Variants in ROBO2 observed in about 807,000 individuals in gnomAD.
ROBO2 encodes roundabout guidance receptor 2, also known as roundabout homolog 2.
ROBO2 carries 53 observed loss-of-function variants against 160.8 expected under a neutral mutation model. The observed-to-expected ratio is 0.33, with a 90% CI of 0.26 to 0.41. ROBO2 has a LOEUF of 0.41. Among genes scored for constraint, ROBO2 ranks in the 10% least tolerant of loss-of-function variants. The pLI is 1.00. For missense variants in ROBO2, 1,577 were observed against 1,722.4 expected, an observed-to-expected ratio of 0.92 and a Z score of 1.49; for synonymous variants, 664 against 611.7, an observed-to-expected ratio of 1.09 and a Z score of -1.26.
intron 2 of ROBO2, among the ~76,000 whole-genome samples, chr3:77,197,850 A>G (rs1318826168): frequency 1.3e-5 from 2 of 152,154 alleles, no homozygotes; most frequent in African/African-American, 2.4e-5. Flanking sequence ...AATGTGGAGA[A>G]CCTTCCCCTT....
At chr3:76,835,042 A>G (rs2067558030) in intron 2 of ROBO2, among the ~76,000 whole-genome samples, 3 of 152,138 alleles carry the variant, frequency 2.0e-5, no homozygotes. Flanking sequence ...ATTTTTATAA[A>G]ACAATTGTGA....
At chr3:77,568,333 G>A (rs2093548013) in exon 13 of ROBO2, 1 of 1,612,774 alleles carries the variant, frequency 6.2e-7, no homozygotes, top group African/African-American at 1.3e-5. Context: ...ACCAGCACAA[G>A]GAGTGGACCA....
At chr3:76,870,469 T>C (rs775468294) in intron 2 of ROBO2, among the ~76,000 whole-genome samples, 1 of 152,210 alleles carries the variant, frequency 6.6e-6, no homozygotes, top group Non-Finnish European at 1.5e-5. Context: ...TGTGTTCAGA[T>C]GATCTTCCAG....
chr3:76,118,586 T>C (rs6772097), intron 2 of ROBO2, among the ~76,000 whole-genome samples: 44,917 of 152,002 alleles, frequency 0.3, 6,908 homozygotes, highest in African/African-American at 0.36. Flanking sequence ...AGAACCTCCG[T>C]TATTATTGGA....
At position 76,439,987 on chromosome 3, in the gene ROBO2, G is replaced by A. The variant is rs2076850615; in HGVS notation, c.109+502385G>A. 4.6e-5 allele frequency among the ~76,000 whole-genome samples: 7 copies of A among 152,156 alleles called. No homozygotes were observed. The South Asian group carries it at 1.5e-3, about 32-fold the overall frequency. ...TATGGATTGTTTTAACTAACAGAAT[G>A]TGGTAGCAGTGACACTCTTCCAGTT... On this transcript the variant is annotated intron_variant, in intron 2 of 26. Coordinates refer to the ROBO2 transcript ENST00000487694.
chr3:76,081,833 T>TAC (rs566450012), intron 2 of ROBO2, among the ~76,000 whole-genome samples: 4 of 136,260 alleles, frequency 2.9e-5, no homozygotes, highest in African/African-American at 8.8e-5. Flanking sequence ...CACATGTAAA[T>TAC]ACATACACAC....
chr3:76,516,522 C>T (rs2081354784), intron 2 of ROBO2, among the ~76,000 whole-genome samples: 1 of 152,130 alleles, frequency 6.6e-6, no homozygotes, highest in Non-Finnish European at 1.5e-5. Context: ...ATAAGATTTT[C>T]CTCAATGTGT....
chr3:77,393,662 A>G (rs993650959), intron 2 of ROBO2, among the ~76,000 whole-genome samples: 3 of 150,356 alleles, frequency 2.0e-5, no homozygotes, highest in African/African-American at 4.9e-5. Context: ...ACAACTTCAC[A>G]TAGTTCAGGA....
Position 77,040,664 on chromosome 3 carries a change from TTTAA to T in ROBO2, c.-118_-115del, listed in dbSNP as rs1465644525. On this transcript the variant is annotated 5_prime_UTR_variant, in exon 1 of 26. An upstream open reading frame in the 5' UTR loses its in-frame stop. Transcript: ENST00000461745. Reference sequence around the variant, plus strand: ...GATCTTGCGATTTGCTCTTCTTGACTTTAATTAGTATCTAGGAAAGTCTAAACTT... The same window carrying T: ...GATCTTGCGATTTGCTCTTCTTGACTTTAGTATCTAGGAAAGTCTAAACTT... The T allele has an allele frequency of 3.7e-5, 58 of 1,582,208 alleles. No homozygotes were observed. The highest frequency in any genetic ancestry group is 4.6e-5 in the Non-Finnish European group (54 of 1,170,042).
chr3:76,411,041 C>T (rs1204701501), intron 2 of ROBO2, among the ~76,000 whole-genome samples: 1 of 151,818 alleles, frequency 6.6e-6, no homozygotes, highest in East Asian at 1.9e-4. Context: ...GATAGGTTAT[C>T]ATGAATGAAC....
chr3:76,644,566 G>A (rs183841765), intron 2 of ROBO2, among the ~76,000 whole-genome samples: 2 of 152,142 alleles, frequency 1.3e-5, no homozygotes, highest in Non-Finnish European at 1.5e-5. Flanking sequence ...TCCTGATCAC[G>A]AATTCATATT....
intron 2 of ROBO2, among the ~76,000 whole-genome samples, chr3:77,165,162 C>T (rs1203018744): frequency 6.6e-6 from 1 of 151,184 alleles, no homozygotes; most frequent in African/African-American, 2.4e-5. Flanking sequence ...GGATGGTTGC[C>T]GTGTCTGTGT....
At chr3:77,258,621 T>C (rs2058577148) in intron 2 of ROBO2, among the ~76,000 whole-genome samples, 2 of 36,180 alleles carry the variant, frequency 5.5e-5, no homozygotes, top group South Asian at 3.1e-3. Flanking sequence ...AGACTTTGTC[T>C]TAAAAAAAAA....
chr3:77,302,328 T>C (rs1175025471), intron 2 of ROBO2, among the ~76,000 whole-genome samples: 1 of 152,100 alleles, frequency 6.6e-6, no homozygotes, highest in Non-Finnish European at 1.5e-5. Context: ...AATGAATACA[T>C]ATAAACTACT....
chr3:76,690,041 C>A (rs1301662245), intron 2 of ROBO2, among the ~76,000 whole-genome samples: 3 of 152,086 alleles, frequency 2.0e-5, no homozygotes. Context: ...TTGCATGGCA[C>A]CTACATTTAC....
chr3:76,884,282 T>G (rs2148769176), intron 2 of ROBO2, among the ~76,000 whole-genome samples: 1 of 152,354 alleles, frequency 6.6e-6, no homozygotes, highest in South Asian at 2.1e-4. Context: ...TATAAATTGT[T>G]AATATTTTAT....
At chr3:76,309,232 A>G (rs1042915398) in intron 2 of ROBO2, among the ~76,000 whole-genome samples, 1 of 152,200 alleles carries the variant, frequency 6.6e-6, no homozygotes, top group East Asian at 1.9e-4. Flanking sequence ...TTGTCAGGTA[A>G]ACAGGATAGT....
At chr3:76,650,098 C>G (rs920887169) in intron 2 of ROBO2, among the ~76,000 whole-genome samples, 2 of 151,894 alleles carry the variant, frequency 1.3e-5, no homozygotes, top group Non-Finnish European at 2.9e-5. Context: ...CAACCTTATT[C>G]CCAGAGAAAG....
intron 2 of ROBO2, among the ~76,000 whole-genome samples, chr3:76,978,403 C>A (rs72902026): frequency 6.6e-6 from 1 of 151,896 alleles, no homozygotes; most frequent in African/African-American, 2.4e-5. Context: ...CCTTTATTTG[C>A]GCAGAAGAAA....
Sources: gnomAD v4.1 joint callset for allele counts (sites outside exome capture counted in the v4.1 genomes callset) on GRCh38, gnomAD v4.1.1 for gene constraint, MANE v1.5 for transcripts, NCBI Gene and HGNC (gene_info 2026-07-23, HGNC 2026-07-21) for gene names.